Variants in CPOX observed in about 807,000 individuals in gnomAD.
The protein encoded by CPOX is oxygen-dependent coproporphyrinogen-III oxidase, mitochondrial.
Under a neutral mutation model 48.9 loss-of-function variants are expected in CPOX, and 24 were observed. The observed-to-expected ratio is 0.49, with a 90% confidence interval of 0.36 to 0.69. The LOEUF (loss-of-function observed/expected upper bound fraction) is 0.69, where lower values mean the gene tolerates loss of function less well. Ranked by LOEUF, CPOX falls within the 30% of genes least tolerant of loss-of-function variation. The pLI is 0.00. For missense variants in CPOX, 549 were observed against 597.3 expected, an observed-to-expected ratio of 0.92 and a Z score of 0.84; for synonymous variants, 249 against 234.6, an observed-to-expected ratio of 1.06 and a Z score of -0.56.
At position 98,585,536 on chromosome 3, in the gene CPOX, C is replaced by A. The variant is rs1707345051; in HGVS notation, c.1077G>T (p.Arg359Ser). 1 of 1,613,924 alleles carries A rather than the reference C, an allele frequency of 6.2e-7. No homozygotes were observed. The highest frequency in any genetic ancestry group is 1.3e-5 in the African/African-American group (1 of 74,874). Residue 359 changes from arginine to serine, a missense_variant, in exon 5 of 7, where the codon AGG becomes AGT. By Grantham distance (110) the Arg-to-Ser change is moderately radical (BLOSUM62 -1). Around this residue, in one of 2 missense-constraint regions of CPOX, gnomAD observed 213 missense variants for 279.1 expected, o/e 0.76. Coordinates refer to ENST00000647941, the MANE Select transcript of CPOX (RefSeq NM_000097.7). Reference protein sequence around the residue: ...EVFRFVQSCARAVVPSYIPLV... With the variant: ...EVFRFVQSCASAVVPSYIPLV... Reference sequence around the variant, plus strand: ...GGGGAATGTAAGAAGGAACTACAGCCCTGGCACAGCTCTGTACAAAGCGAA... The same window carrying A: ...GGGGAATGTAAGAAGGAACTACAGCACTGGCACAGCTCTGTACAAAGCGAA...
chr3:98,585,968 G>A (rs1367459784), intron 4 of CPOX: 2 of 348,780 alleles, frequency 5.7e-6, no homozygotes, highest in African/African-American at 4.3e-5. Flanking sequence ...CGCCTCCCGG[G>A]TTCACGCCAT....
At chr3:98,573,347 T>C in the CPOX span, among the ~76,000 whole-genome samples, 1 of 152,242 alleles carries the variant, frequency 6.6e-6, no homozygotes. Context: ...AAATTAGCCA[T>C]GCTTGATTAA....
At chr3:98,579,401 TGC>T (rs1392733443), downstream of CPOX, 1 of 619,648 alleles carries the variant, frequency 1.6e-6, no homozygotes, top group African/African-American at 2.0e-5. Flanking sequence ...AAGAAATATA[TGC>T]GTTTTCCTAT....
chr3:98,585,807 G>T, intron 4 of CPOX, 148 bp from the exon 5 acceptor site: 2 of 705,766 alleles, frequency 2.8e-6, no homozygotes, highest in Non-Finnish European at 5.2e-6. Context: ...ATGAAATGAG[G>T]ACTTTAGACA....
At position 98,591,148 on chromosome 3, in the gene CPOX, G is replaced by T; in HGVS notation, c.564C>A (p.Gly188=). ...VDRWERKEGG[G]GISCVLQDGC... ...CATCTTGAAGTACACAGCTGATGCCGCCACCTCCTGTGTATAGAAATGTAA... is the reference window on the plus strand; with the variant it reads ...CATCTTGAAGTACACAGCTGATGCCTCCACCTCCTGTGTATAGAAATGTAA... The change falls in exon 2 of 7, where the codon GGC becomes GGA. Residue 188 remains glycine, a synonymous_variant. Transcript: ENST00000647941. 6 of 1,614,070 alleles carry T rather than the reference G, an allele frequency of 3.7e-6. No individual in the cohort carries two copies. Among genetic ancestry groups the T allele is most frequent in the Non-Finnish European group, 4.2e-6 (5 of 1,179,984 alleles).
At chr3:98,587,920 A>G (rs1233038472) in intron 4 of CPOX, among the ~76,000 whole-genome samples, 1 of 152,176 alleles carries the variant, frequency 6.6e-6, no homozygotes, top group East Asian at 1.9e-4. Flanking sequence ...GAAAAAACAA[A>G]CAAAAAACCA....
chr3:98,585,353 G>T, intron 5 of CPOX, 88 bp downstream of exon 5: 1 of 996,740 alleles, frequency 1.0e-6, no homozygotes, highest in Non-Finnish European at 1.6e-6. Flanking sequence ...CTATTACAAA[G>T]TATCTGACAA....
Position 98,590,615 on chromosome 3 carries a change from G to C in CPOX, c.811+17C>G, listed in dbSNP as rs538035114. On this transcript the variant is annotated intron_variant, in intron 3 of 6. Coordinates refer to ENST00000647941, the MANE Select transcript of CPOX (RefSeq NM_000097.7). Reference sequence around the variant, plus strand: ...ATTTTGCACGACAGTACTTTCCGTAGCTCCTGAGACCCTTACCATCAGCTT... The same window carrying C: ...ATTTTGCACGACAGTACTTTCCGTACCTCCTGAGACCCTTACCATCAGCTT... The C allele has an allele frequency of 6.5e-7, 1 of 1,534,194 alleles. No individual in the cohort carries two copies. Among genetic ancestry groups the C allele is most frequent in the South Asian group, 1.1e-5 (1 of 89,466 alleles).
intron 4 of CPOX, chr3:98,585,926 G>A: frequency 5.2e-6 from 2 of 384,578 alleles, no homozygotes. Flanking sequence ...ACGCTGGAGT[G>A]CAGTGGTGCG....
In CPOX at chr3:98,585,881, T is replaced by C. The variant is rs11918479; in HGVS notation, c.954-222A>G. On this transcript the variant is annotated intron_variant, in intron 4 of 6. Coordinates refer to ENST00000647941, the MANE Select transcript of CPOX (RefSeq NM_000097.7). Reference sequence around the variant, plus strand: ...TTATCCTCTTTTTCTTTTCTTTTCTTTTTTTTTTTGAGACGGACTCTTGCT... The same window carrying C: ...TTATCCTCTTTTTCTTTTCTTTTCTCTTTTTTTTTGAGACGGACTCTTGCT... 0.028 allele frequency: 13,391 copies of C among 484,054 alleles called. 503 individuals carry two copies. Among genetic ancestry groups the C allele is most frequent in the African/African-American group, 0.13 (6,546 of 50,468 alleles). The allele number at this position is 484,054 out of a possible 1,614,324, so 30.0% of individuals were successfully genotyped here. A position where few individuals can be genotyped will look rare whatever the true frequency, so the allele number is the denominator to read the frequency against.
At chr3:98,592,852 C>G in intron 1 of CPOX, 97 bp downstream of exon 1, 1 of 1,348,688 alleles carries the variant, frequency 7.4e-7, no homozygotes, top group Non-Finnish European at 1.0e-6. Flanking sequence ...CCTACCTACC[C>G]CATCCCATAT....
In CPOX at chr3:98,593,400, G is replaced by T. The variant is rs1453716264; in HGVS notation, c.105C>A (p.Leu35=). Residue 35 remains leucine, a synonymous_variant, in exon 1 of 7, where the codon CTC becomes CTA. Transcript: ENST00000647941. The part of the protein sequence containing the change: ...RAWSQCGGGG[L]RAWSQRSAAG... ...CTGCGCTGCGCTGGGACCAGGCTCGGAGCCCTCCGCCGCCGCACTGGGACC... is the reference window on the plus strand; with the variant it reads ...CTGCGCTGCGCTGGGACCAGGCTCGTAGCCCTCCGCCGCCGCACTGGGACC... 9 of 1,422,278 alleles carry T rather than the reference G, an allele frequency of 6.3e-6. No individual in the cohort carries two copies. Among genetic ancestry groups the T allele is most frequent in the South Asian group, 1.5e-5 (1 of 67,870 alleles). The allele number at this position is 1,422,278 out of a possible 1,614,324, so 88.1% of individuals were successfully genotyped here. A position where few individuals can be genotyped will look rare whatever the true frequency, so the allele number is the denominator to read the frequency against.
At position 98,590,771 on chromosome 3, in the gene CPOX, A is replaced by G. The variant is rs1383138499; in HGVS notation, c.701-29T>C. On this transcript the variant is annotated intron_variant, in intron 2 of 6. Coordinates refer to ENST00000647941, the MANE Select transcript of CPOX (RefSeq NM_000097.7). ...GAAAGTAAAATATGAGTCATGAGCTATATTCAGTTACCTTGAATGCCTTGA... is the reference window on the plus strand; with the variant it reads ...GAAAGTAAAATATGAGTCATGAGCTGTATTCAGTTACCTTGAATGCCTTGA... 2.0e-6 allele frequency: 3 copies of G among 1,487,090 alleles called. No homozygotes were observed. In the African/African-American group the frequency reaches 4.2e-5, roughly 21 times the overall value. 92.1% of individuals were successfully genotyped at this position (1,487,090 alleles called of 1,614,324 possible). A position where few individuals can be genotyped will look rare whatever the true frequency, so the allele number is the denominator to read the frequency against.
downstream of CPOX, among the ~76,000 whole-genome samples, chr3:98,576,282 A>T (rs1276892908): frequency 6.6e-6 from 1 of 152,210 alleles, no homozygotes; most frequent in East Asian, 1.9e-4. Context: ...CACCTTCTTC[A>T]CAAGGCAGCA....
intron 5 of CPOX, among the ~76,000 whole-genome samples, chr3:98,583,025 T>G (rs1376392214): frequency 6.6e-6 from 1 of 152,220 alleles, no homozygotes; most frequent in Non-Finnish European, 1.5e-5. Flanking sequence ...TTGGCTACCT[T>G]TTTCACCTGA....
chr3:98,590,426 G>C (rs565171486), intron 3 of CPOX: 4 of 608,476 alleles, frequency 6.6e-6, no homozygotes, highest in South Asian at 5.3e-5. Flanking sequence ...TGGGATTACA[G>C]GTATGAGCCA....
intron 4 of CPOX, among the ~76,000 whole-genome samples, chr3:98,586,124 G>A (rs980965648): frequency 2.6e-5 from 4 of 152,070 alleles, no homozygotes; most frequent in East Asian, 1.9e-4. Context: ...TGCCTGCCTC[G>A]GCCTCCCAAA....
intron 5 of CPOX, among the ~76,000 whole-genome samples, chr3:98,582,712 TG>T (rs933266177): frequency 1.6e-4 from 25 of 152,076 alleles, no homozygotes; most frequent in African/African-American, 5.8e-4. Context: ...AGGATGGTCT[TG>T]ATCTCCTGAC....
At chr3:98,583,070 G>T (rs1323210526) in intron 5 of CPOX, among the ~76,000 whole-genome samples, 2 of 152,084 alleles carry the variant, frequency 1.3e-5, no homozygotes. Context: ...TAGGGGATGG[G>T]TATGGTTCTC....
Sources: allele counts gnomAD v4.1 joint callset (sites outside exome capture counted in the v4.1 genomes callset), GRCh38; gene constraint gnomAD v4.1.1; regional missense constraint gnomAD v4.1.1; transcripts MANE v1.5; gene names NCBI Gene and HGNC (gene_info 2026-07-23, HGNC 2026-07-21).